EFCC1: variants seen among roughly 807,000 people sequenced by gnomAD.
EFCC1 encodes EF-hand and coiled-coil domain containing 1.
EFCC1 carries 50 observed loss-of-function variants against 52.1 expected under a neutral mutation model. That is an observed-to-expected ratio of 0.96 (90% CI 0.76 to 1.21). The LOEUF (loss-of-function observed/expected upper bound fraction) is 1.21. Among genes scored for constraint, EFCC1 ranks in the 50% most tolerant of loss-of-function variants. The pLI, the probability that EFCC1 is intolerant of heterozygous loss-of-function variation, is 0.00. For synonymous variants in EFCC1, 399 were observed against 396.5 expected (o/e 1.01, Z -0.08); for missense variants, 837 against 867.3 (o/e 0.97, Z 0.44).
chr3:129,021,254 T>C (rs924480826), intron 2 of EFCC1, among the ~76,000 whole-genome samples: 6 of 152,238 alleles, frequency 3.9e-5, no homozygotes, highest in African/African-American at 1.2e-4. Context: ...ACCTCTGTCT[T>C]ATATATAAAC....
intron 2 of EFCC1, among the ~76,000 whole-genome samples, chr3:129,025,872 C>CA (rs1394666088): frequency 4.6e-5 from 7 of 152,234 alleles, no homozygotes; most frequent in Non-Finnish European, 1.0e-4. Context: ...TTCCCAGCTT[C>CA]ACTGCCTGTG....
chr3:129,019,273 C>T (rs1224505976), intron 2 of EFCC1, among the ~76,000 whole-genome samples: 1 of 152,198 alleles, frequency 6.6e-6, no homozygotes, highest in Non-Finnish European at 1.5e-5. Flanking sequence ...TTTAGGTGTT[C>T]AGTCCACCTG....
chr3:129,004,040 T>C lies in EFCC1; in HGVS notation c.943T>C (p.Trp315Arg), dbSNP rs746914654. ...GCAACAGGTGCCCGGCTTGCAGCGC[T>C]GGGTGCGGCGGCTGGAGGCGGAGCT... ...LAQQVPGLQR[W>R]VRRLEAELQR... is the part of the protein sequence containing the mutation. Residue 315 changes from tryptophan to arginine, a missense_variant, in exon 2 of 8, where the codon TGG (tryptophan) becomes CGG (arginine). Trp to Arg is a moderately radical substitution (Grantham distance 101). Transcript: ENST00000683648. The C allele has an allele frequency of 1.3e-5, 20 of 1,511,440 alleles. No homozygotes were observed. The highest frequency in any genetic ancestry group is 7.0e-6 in the Non-Finnish European group (8 of 1,136,886). 93.6% of individuals were successfully genotyped at this position (1,511,440 alleles called of 1,614,324 possible).
In EFCC1 at chr3:129,037,059, C is replaced by T. The variant is rs1193883979; in HGVS notation, c.1535C>T (p.Ser512Phe). The part of the protein sequence containing the change: ...QMVETERVRL[S>F]LLEEKLVDVL... ...GTAGAGACCGAGAGGGTGCGGCTGTCCCTGCTGGAGGAGAAGCTGGTGGAC... is the reference window on the plus strand; with the variant it reads ...GTAGAGACCGAGAGGGTGCGGCTGTTCCTGCTGGAGGAGAAGCTGGTGGAC... The change falls in exon 6 of 8, where the codon TCC (serine) becomes TTC (phenylalanine). Residue 512 changes from serine to phenylalanine, a missense_variant. Physicochemically the swap from Ser to Phe is radical, Grantham distance 155. Transcript: ENST00000683648. 4 of 1,613,534 alleles carry T rather than the reference C, an allele frequency of 2.5e-6. No homozygotes were observed. In the South Asian group the frequency reaches 3.3e-5, roughly 13 times the overall value.
At chr3:129,037,654 C>T (rs1282193233) in intron 6 of EFCC1, among the ~76,000 whole-genome samples, 9 of 152,140 alleles carry the variant, frequency 5.9e-5, no homozygotes, top group African/African-American at 2.2e-4. Flanking sequence ...GATTATAAAA[C>T]CCCTCAGCAA....
intron 2 of EFCC1, among the ~76,000 whole-genome samples, chr3:129,009,705 C>T (rs1401263224): frequency 6.6e-6 from 1 of 152,214 alleles, no homozygotes. Flanking sequence ...CTCTGGAGCT[C>T]GCAGCCCAGT....
rs142814994 is a variant in EFCC1 at position 129,021,270 on chromosome 3, GT to G, written c.981-9429del. ...CCTCTGTCTTATATATAAACACAGG[GT>G]TTTCCACAAGGTTTTAATATACAAA... On this transcript the variant is annotated intron_variant, in intron 2 of 7. Transcript: ENST00000683648. Among the ~76,000 whole-genome samples, 26 of 152,294 alleles carry G rather than the reference GT, an allele frequency of 1.7e-4. No individual in the cohort carries two copies. In the East Asian group the frequency reaches 4.4e-3, roughly 26 times the overall value.
chr3:129,016,604 G>A (rs1161304549), intron 2 of EFCC1, among the ~76,000 whole-genome samples: 11 of 152,002 alleles, frequency 7.2e-5, no homozygotes, highest in Non-Finnish European at 1.3e-4. Flanking sequence ...CAGCCCCCGT[G>A]ATCACACAGG....
intron 2 of EFCC1, among the ~76,000 whole-genome samples, chr3:129,016,717 C>T (rs987996967): frequency 6.6e-6 from 1 of 152,088 alleles, no homozygotes; most frequent in Non-Finnish European, 1.5e-5. Context: ...AACCCTGACT[C>T]GTACAGGGCC....
intron 2 of EFCC1, among the ~76,000 whole-genome samples, chr3:129,011,598 C>T (rs983869883): frequency 6.6e-6 from 1 of 151,636 alleles, no homozygotes; most frequent in African/African-American, 2.4e-5. Flanking sequence ...TCTTGTCTAT[C>T]CAGAAAAGCA....
intron 7 of EFCC1, 64 bp downstream of exon 7, chr3:129,038,964 C>T: frequency 7.5e-7 from 1 of 1,335,322 alleles, no homozygotes. Flanking sequence ...GAGGAGGAGA[C>T]TCCAGTGTGC....
chr3:129,007,546 C>T (rs192886495), intron 2 of EFCC1, among the ~76,000 whole-genome samples: 4 of 152,348 alleles, frequency 2.6e-5, no homozygotes, highest in Admixed American at 2.0e-4. Context: ...CCAGCATCTC[C>T]CAGTGTTCAA....
rs1393541226 is a variant in EFCC1 at position 129,001,582 on chromosome 3, G to A, written c.-47G>A. ...GGGCCGCCCCTGGAAGTGGCGGGGC[G>A]AAGGGACCGGAGGAGGGACCGGAGG... On this transcript the variant is annotated 5_prime_UTR_variant, in exon 1 of 8. Transcript: ENST00000683648. The A allele has an allele frequency of 3.0e-6, 4 of 1,346,388 alleles. No homozygotes were observed. The highest frequency in any genetic ancestry group is 3.1e-5 in the East Asian group (1 of 32,776). The allele number at this position is 1,346,388 out of a possible 1,614,324, so 83.4% of individuals were successfully genotyped here. A position where few individuals can be genotyped will look rare whatever the true frequency, so the allele number is the denominator to read the frequency against.
chr3:129,020,429 G>A (rs1470875266), intron 2 of EFCC1, among the ~76,000 whole-genome samples: 1 of 152,122 alleles, frequency 6.6e-6, no homozygotes, highest in Non-Finnish European at 1.5e-5. Context: ...TTGAGCCCAG[G>A]AGTTCAAGAT....
chr3:129,034,086 C>T, intron 4 of EFCC1, 78 bp from the exon 5 acceptor site: 3 of 1,581,450 alleles, frequency 1.9e-6, no homozygotes, highest in Non-Finnish European at 2.6e-6. Context: ...CTCCACACCA[C>T]CACCACCTCT....
intron 2 of EFCC1, among the ~76,000 whole-genome samples, chr3:129,009,883 C>T (rs1157987834): frequency 6.6e-6 from 1 of 152,206 alleles, no homozygotes; most frequent in Non-Finnish European, 1.5e-5. Flanking sequence ...GTAACCTCGC[C>T]AACCTGTGCC....
At chr3:129,034,420 T>G (rs1044856504) in intron 5 of EFCC1, 91 bp downstream of exon 5, 25 of 1,426,252 alleles carry the variant, frequency 1.8e-5, no homozygotes, top group Non-Finnish European at 2.4e-5. Context: ...GTCTTGTGCC[T>G]CATTCCCAGA....
At chr3:129,028,366 G>T (rs897166262) in intron 2 of EFCC1, among the ~76,000 whole-genome samples, 15 of 152,054 alleles carry the variant, frequency 9.9e-5, no homozygotes, top group African/African-American at 3.4e-4. Flanking sequence ...TTACAGGTGT[G>T]AACCACCGTG....
At chr3:129,034,403 C>T (rs1946330356) in intron 5 of EFCC1, 74 bp downstream of exon 5, 1 of 1,522,932 alleles carries the variant, frequency 6.6e-7, no homozygotes. Flanking sequence ...TGAGGGATTG[C>T]AGCCAAGTCT....
Sources: gnomAD v4.1 joint callset for allele counts (sites outside exome capture counted in the v4.1 genomes callset) on GRCh38, gnomAD v4.1.1 for gene constraint, MANE v1.5 for transcripts, NCBI Gene and HGNC (gene_info 2026-07-23, HGNC 2026-07-21) for gene names.